Variants in RERE observed in about 807,000 individuals in gnomAD.
RERE encodes arginine-glutamic acid dipeptide repeats.
A neutral mutation model predicts 146.1 loss-of-function variants in RERE; 40 were observed. The ratio of observed to expected loss-of-function variants is 0.27; its 90% CI spans 0.21 to 0.36. RERE has a LOEUF of 0.36. Ranked by LOEUF, RERE falls within the 10% of genes least tolerant of loss-of-function variation. The probability of loss-of-function intolerance (pLI) is 1.00; values close to 1 mark genes in which losing one functional copy is unlikely to be tolerated. For missense variants in RERE, 1,933 were observed against 2,138.7 expected (o/e 0.90, Z 1.90); for synonymous variants, 1,003 against 866.0 (o/e 1.16, Z -2.78).
intron 3 of RERE, among the ~76,000 whole-genome samples, chr1:8,621,791 T>G (rs556548614): frequency 6.6e-6 from 1 of 152,242 alleles, no homozygotes; most frequent in Non-Finnish European, 1.5e-5. Flanking sequence ...GCTTATTTCC[T>G]TCTGCTCATC....
intron 4 of RERE, among the ~76,000 whole-genome samples, chr1:8,605,977 A>C (rs1351067923): frequency 1.3e-5 from 2 of 151,190 alleles, no homozygotes; most frequent in Non-Finnish European, 2.9e-5. Flanking sequence ...TAAAAGTAGC[A>C]GATAACTTTT....
chr1:8,753,164 T>C (rs376201157), intron 1 of RERE, among the ~76,000 whole-genome samples: 1 of 152,282 alleles, frequency 6.6e-6, no homozygotes, highest in East Asian at 1.9e-4. Flanking sequence ...TTCGGATGTT[T>C]CATCAAACCA....
intron 1 of RERE, among the ~76,000 whole-genome samples, chr1:8,766,019 A>G (rs1640839275): frequency 6.6e-6 from 1 of 152,052 alleles, no homozygotes; most frequent in African/African-American, 2.4e-5. Flanking sequence ...AGGCTGAGGC[A>G]GGAGAATCAC....
chr1:8,503,127 T>TAAAA (rs1013140295), intron 8 of RERE, among the ~76,000 whole-genome samples: 53 of 143,780 alleles, frequency 3.7e-4, no homozygotes, highest in South Asian at 2.5e-3. Flanking sequence ...AATAAATAAA[T>TAAAA]AAAAAAGAAT....
intron 2 of RERE, among the ~76,000 whole-genome samples, chr1:8,652,483 C>A (rs1219594554): frequency 1.3e-5 from 2 of 152,186 alleles, no homozygotes; most frequent in African/African-American, 4.8e-5. Context: ...TTAGTCCATT[C>A]TCACGCTGCT....
intron 1 of RERE, among the ~76,000 whole-genome samples, chr1:8,716,312 A>T (rs535592571): frequency 6.6e-6 from 1 of 151,348 alleles, no homozygotes; most frequent in African/African-American, 2.4e-5. Context: ...AAAAAAAAAA[A>T]AAAAAATTAA....
At chr1:8,410,507 T>G (rs939181046) in intron 12 of RERE, among the ~76,000 whole-genome samples, 5 of 152,152 alleles carry the variant, frequency 3.3e-5, no homozygotes, top group Non-Finnish European at 7.4e-5. Context: ...GATTTCAGCT[T>G]AATAAAAGGA....
chr1:8,416,994 A>G (rs2124465234), intron 12 of RERE, among the ~76,000 whole-genome samples: 2 of 152,334 alleles, frequency 1.3e-5, no homozygotes, highest in East Asian at 3.9e-4. Context: ...GAAGAGGGAC[A>G]AGGTTTAAAA....
At chr1:8,500,661 C>T (rs1488676052) in intron 8 of RERE, among the ~76,000 whole-genome samples, 1 of 152,104 alleles carries the variant, frequency 6.6e-6, no homozygotes, top group Non-Finnish European at 1.5e-5. Flanking sequence ...GCGTCTCTGC[C>T]TGGCCGCCCA....
At chr1:8,601,399 T>C (rs1432845444) in intron 4 of RERE, among the ~76,000 whole-genome samples, 1 of 152,024 alleles carries the variant, frequency 6.6e-6, no homozygotes, top group African/African-American at 2.4e-5. Flanking sequence ...ACTACCCTAC[T>C]ATCCATTATC....
chr1:8,674,262 T>A (rs1385824408), intron 1 of RERE, among the ~76,000 whole-genome samples: 1 of 152,048 alleles, frequency 6.6e-6, no homozygotes, highest in Non-Finnish European at 1.5e-5. Flanking sequence ...CACAGGCCTG[T>A]TAAATATCAC....
intron 7 of RERE, among the ~76,000 whole-genome samples, chr1:8,530,616 T>C (rs2124365409): frequency 6.6e-6 from 1 of 152,150 alleles, no homozygotes; most frequent in Non-Finnish European, 1.5e-5. Flanking sequence ...TCAGAAGCAG[T>C]TTATTTAAAT....
At chr1:8,483,763 C>A (rs893379481) in intron 10 of RERE, among the ~76,000 whole-genome samples, 5 of 152,170 alleles carry the variant, frequency 3.3e-5, no homozygotes, top group Admixed American at 3.3e-4. Context: ...GCCTTGAATT[C>A]TTTGCTGAAG....
intron 1 of RERE, among the ~76,000 whole-genome samples, chr1:8,668,519 C>G (rs1296674982): frequency 6.6e-6 from 1 of 152,140 alleles, no homozygotes; most frequent in Non-Finnish European, 1.5e-5. Context: ...AACTCACTTT[C>G]CCAAAGCATG....
intron 1 of RERE, among the ~76,000 whole-genome samples, chr1:8,789,301 A>AAAAAAAATATATATATATATATATAT: frequency 4.0e-5 from 1 of 24,826 alleles, no homozygotes; most frequent in Non-Finnish European, 6.5e-5. Context: ...AAAAAAAAAA[A>AAAAAAAATATATATATATATATATAT]ATATATATAT....
In RERE at chr1:8,354,738, A is replaced by C. The variant is rs912923575; in HGVS notation, c.*349T>G. Reference sequence around the variant, plus strand: ...GGAGTGTGTCAGTGTGTCTGCACGCACAGTGAAGGGTGTGAACTGGATTCT... The same window carrying C: ...GGAGTGTGTCAGTGTGTCTGCACGCCCAGTGAAGGGTGTGAACTGGATTCT... On this transcript the variant is annotated 3_prime_UTR_variant, in exon 23 of 23. Coordinates refer to ENST00000400908, the MANE Select transcript of RERE (RefSeq NM_001042681.2). 8.1e-6 allele frequency: 2 copies of C among 247,938 alleles called. No individual in the cohort carries two copies. The highest frequency in any genetic ancestry group is 4.5e-5 in the African/African-American group (2 of 44,394). 15.4% of individuals were successfully genotyped at this position (247,938 alleles called of 1,614,324 possible). A position where few individuals can be genotyped will look rare whatever the true frequency, so the allele number is the denominator to read the frequency against.
chr1:8,411,317 C>CT (rs35754702), intron 12 of RERE, among the ~76,000 whole-genome samples: 45,007 of 139,954 alleles, frequency 0.32, 7,150 homozygotes, highest in Non-Finnish European at 0.35. Flanking sequence ...GGCTTCAAGT[C>CT]TTTTTTTTTT....
chr1:8,496,251 C>T (rs1645044159), intron 9 of RERE, among the ~76,000 whole-genome samples: 1 of 151,570 alleles, frequency 6.6e-6, no homozygotes, highest in African/African-American at 2.4e-5. Context: ...CCATGCACAA[C>T]ACCGTTGACT....
rs553914731 is a variant in RERE at position 8,496,513 on chromosome 1, A to T, written c.1004+892T>A. Among the ~76,000 whole-genome samples, 15 of 150,476 alleles carry T rather than the reference A, an allele frequency of 1.0e-4. No individual in the cohort carries two copies. In the East Asian group the frequency reaches 1.7e-3, roughly 17 times the overall value. ...ACAAGTAACAACCAAAAAAAAAAGAAAAAAAGAAAAAAAAGAAACCCACAA... is the reference window on the plus strand; with the variant it reads ...ACAAGTAACAACCAAAAAAAAAAGATAAAAAGAAAAAAAAGAAACCCACAA... On this transcript the variant is annotated intron_variant, in intron 9 of 22. Transcript: ENST00000400908.
Sources: allele counts gnomAD v4.1 joint callset (sites outside exome capture counted in the v4.1 genomes callset), GRCh38; gene constraint gnomAD v4.1.1; transcripts MANE v1.5; gene names NCBI Gene and HGNC (gene_info 2026-07-23, HGNC 2026-07-21).